Variants in APBA2 observed in about 807,000 individuals in gnomAD.
APBA2 encodes the protein amyloid-beta A4 precursor protein-binding family A member 2.
APBA2 carries 30 observed loss-of-function variants against 75.0 expected under a neutral mutation model. That is an observed-to-expected ratio of 0.40 (90% CI 0.30 to 0.54). The LOEUF (loss-of-function observed/expected upper bound fraction) is 0.54. Ranked by LOEUF, APBA2 falls within the 20% of genes least tolerant of loss-of-function variation. APBA2 has a pLI of 0.49. For synonymous variants in APBA2, 444 were observed against 409.6 expected (o/e 1.08, Z -1.01); for missense variants, 801 against 1,016.1 (o/e 0.79, Z 2.88).
chr15:29,069,512 A>C (rs2042525922), intron 4 of APBA2, among the ~76,000 whole-genome samples: 1 of 152,230 alleles, frequency 6.6e-6, no homozygotes, highest in African/African-American at 2.4e-5. Context: ...AAAGGAAAAA[A>C]ATTAAGCAGC....
Position 29,117,159 on chromosome 15 carries a change from A to C in APBA2, c.*26A>C. On this transcript the variant is annotated 3_prime_UTR_variant, in exon 15 of 15. Coordinates refer to ENST00000683413, the MANE Select transcript of APBA2 (RefSeq NM_001353788.2). ...GCCACCCCAGCCTGGCCACGCAGCC[A>C]GGACACCGGGCAGGGCCGCCCGGGC... is the stretch of plus-strand genomic sequence containing the variant. The C allele has an allele frequency of 6.2e-7, 1 of 1,611,550 alleles. No individual in the cohort carries two copies. The highest frequency in any genetic ancestry group is 1.3e-5 in the African/African-American group (1 of 75,024).
At chr15:29,030,989 T>G (rs1046986029) in intron 3 of APBA2, among the ~76,000 whole-genome samples, 15 of 152,228 alleles carry the variant, frequency 9.9e-5, no homozygotes, top group Admixed American at 5.2e-4. Flanking sequence ...GGATTATTTT[T>G]GTTATTAATG....
chr15:28,891,224 C>T (rs568622898), intron 1 of APBA2, among the ~76,000 whole-genome samples: 10 of 152,270 alleles, frequency 6.6e-5, no homozygotes, highest in African/African-American at 2.4e-4. Flanking sequence ...ATCTGGAAGG[C>T]ACGTCTTGTC....
intron 4 of APBA2, among the ~76,000 whole-genome samples, chr15:29,058,875 G>C (rs1424083771): frequency 2.0e-5 from 3 of 152,272 alleles, no homozygotes; most frequent in African/African-American, 7.2e-5. Flanking sequence ...GAATTCCACT[G>C]TAGAGTTTTC....
chr15:28,902,905 A>G (rs2032943539), intron 1 of APBA2, among the ~76,000 whole-genome samples: 1 of 152,042 alleles, frequency 6.6e-6, no homozygotes, highest in South Asian at 2.1e-4. Context: ...AGCTCATGTT[A>G]GTATTTAGAA....
chr15:29,113,824 G>A (rs916245201), intron 13 of APBA2, 52 bp from the exon 14 acceptor site: 67 of 1,594,960 alleles, frequency 4.2e-5, no homozygotes, highest in Non-Finnish European at 5.1e-5. Flanking sequence ...GTGGTGGAGC[G>A]CCTGTCGGGT....
chr15:29,035,862 A>C (rs1011946291), intron 3 of APBA2, among the ~76,000 whole-genome samples: 1 of 152,192 alleles, frequency 6.6e-6, no homozygotes, highest in African/African-American at 2.4e-5. Flanking sequence ...GTTGGGATGC[A>C]AAGCAGGCCA....
intron 1 of APBA2, among the ~76,000 whole-genome samples, chr15:28,914,059 A>C (rs1253217253): frequency 1.3e-5 from 2 of 152,222 alleles, no homozygotes; most frequent in Admixed American, 1.3e-4. Context: ...GTTTTTAAAA[A>C]ATATTTTAGT....
intron 2 of APBA2, among the ~76,000 whole-genome samples, chr15:28,962,700 C>T (rs924083350): frequency 0.021 from 1 of 48 alleles, no homozygotes; most frequent in African/African-American, 0.12. Flanking sequence ...GTGTGAGCCA[C>T]CATGGCCCAG....
intron 3 of APBA2, among the ~76,000 whole-genome samples, chr15:29,037,354 G>A (rs374119672): frequency 6.6e-5 from 10 of 152,232 alleles, no homozygotes; most frequent in Middle Eastern, 3.4e-3. Flanking sequence ...TGTAGCCACC[G>A]TGTACAGAAA....
intron 3 of APBA2, among the ~76,000 whole-genome samples, chr15:29,013,140 TA>T (rs542232012): frequency 2.7e-3 from 413 of 152,242 alleles, no homozygotes; most frequent in African/African-American, 9.4e-3. Flanking sequence ...TCAGACATAA[TA>T]TTTTTTTTTA....
At chr15:29,062,259 G>C (rs2042160782) in intron 4 of APBA2, among the ~76,000 whole-genome samples, 1 of 152,124 alleles carries the variant, frequency 6.6e-6, no homozygotes, top group Non-Finnish European at 1.5e-5. Context: ...TCTGCATACG[G>C]GGAGGCTGCA....
intron 2 of APBA2, among the ~76,000 whole-genome samples, chr15:28,956,345 G>A (rs578187876): frequency 2.0e-5 from 3 of 152,072 alleles, no homozygotes; most frequent in South Asian, 2.1e-4. Context: ...AACAGATGGG[G>A]TGGGGTCCCA....
rs561756754 is a variant in APBA2, at chr15:28,896,507, C to A, written c.-205+10229C>A. ...TGTTAGCCAGGATGGTCTTGATCTG[C>A]TGACCTCATGATTCGCCCACATCGG... On this transcript the variant is annotated intron_variant, in intron 1 of 14. Coordinates refer to ENST00000683413, the MANE Select transcript of APBA2 (RefSeq NM_001353788.2). Among the ~76,000 whole-genome samples, 6 of 152,352 alleles carry A rather than the reference C, an allele frequency of 3.9e-5. No individual in the cohort carries two copies. In the South Asian group the frequency reaches 1.2e-3, roughly 32 times the overall value.
chr15:28,891,305 C>T (rs973516857), intron 1 of APBA2, among the ~76,000 whole-genome samples: 1 of 152,194 alleles, frequency 6.6e-6, no homozygotes, highest in African/African-American at 2.4e-5. Flanking sequence ...TCTGCTGTGA[C>T]GGGGCAGTGC....
At chr15:28,944,449 C>T (rs752882723) in intron 2 of APBA2, among the ~76,000 whole-genome samples, 7 of 152,244 alleles carry the variant, frequency 4.6e-5, no homozygotes, top group Non-Finnish European at 7.3e-5. Context: ...TTCCTCTGCA[C>T]ATGGCATCTA....
At chr15:28,968,722 G>A (rs2036873368) in intron 2 of APBA2, among the ~76,000 whole-genome samples, 3 of 152,162 alleles carry the variant, frequency 2.0e-5, no homozygotes. Context: ...TGGAGAAATG[G>A]TCTTTACAGA....
At chr15:29,041,458 G>A (rs1238398820) in intron 3 of APBA2, among the ~76,000 whole-genome samples, 1 of 150,696 alleles carries the variant, frequency 6.6e-6, no homozygotes, top group Non-Finnish European at 1.5e-5. Context: ...ACTCCAGCCT[G>A]GGTGACAGAG....
At chr15:28,919,208 C>A (rs1476459459) in intron 1 of APBA2, among the ~76,000 whole-genome samples, 1 of 152,112 alleles carries the variant, frequency 6.6e-6, no homozygotes, top group Non-Finnish European at 1.5e-5. Context: ...CACTTCCTTG[C>A]GAACCTTTTA....
Sources: allele counts gnomAD v4.1 joint callset (sites outside exome capture counted in the v4.1 genomes callset), GRCh38; gene constraint gnomAD v4.1.1; transcripts MANE v1.5; gene names NCBI Gene and HGNC (gene_info 2026-07-23, HGNC 2026-07-21).